The following TRPC7 variants were observed in gnomAD, a reference collection of about 807,000 sequenced individuals.
TRPC7 encodes short transient receptor potential channel 7.
A neutral mutation model predicts 90.1 loss-of-function variants in TRPC7; 42 were observed. The ratio of observed to expected loss-of-function variants is 0.47; its 90% confidence interval spans 0.36 to 0.60. The LOEUF is 0.60. TRPC7 is among the 20% of genes least tolerant of loss of function. TRPC7 has a pLI of 0.00. For missense variants in TRPC7, 955 were observed against 1,112.3 expected (o/e 0.86, Z 2.01); for synonymous variants, 451 against 436.3 (o/e 1.03, Z -0.42).
chr5:136,295,140 G>T (rs1298723582), intron 3 of TRPC7, among the ~76,000 whole-genome samples: 1 of 152,010 alleles, frequency 6.6e-6, no homozygotes, highest in Non-Finnish European at 1.5e-5. Flanking sequence ...GCCTGTTGTG[G>T]GGTGGGGGGA....
At chr5:136,356,545 C>G (rs1190822985) in intron 2 of TRPC7, 63 bp downstream of exon 2, 7 of 1,442,424 alleles carry the variant, frequency 4.9e-6, no homozygotes, top group East Asian at 2.4e-5. Context: ...CCATTTCACA[C>G]TGGACACACG....
At chr5:136,256,560 C>G (rs778574063) in intron 5 of TRPC7, among the ~76,000 whole-genome samples, 1 of 143,652 alleles carries the variant, frequency 7.0e-6, no homozygotes, top group Non-Finnish European at 1.5e-5. Context: ...CCCACTCTTG[C>G]ACCCCTGACT....
At chr5:136,220,280 G>C (rs11739596) in intron 10 of TRPC7, among the ~76,000 whole-genome samples, 68,156 of 152,020 alleles carry the variant, frequency 0.45, 15,306 homozygotes, top group East Asian at 0.54. Flanking sequence ...GGGCAGAATA[G>C]AGCCATATTT....
chr5:136,344,330 G>T (rs146178089), intron 2 of TRPC7, among the ~76,000 whole-genome samples: 5 of 152,132 alleles, frequency 3.3e-5, no homozygotes, highest in African/African-American at 1.2e-4. Context: ...AGTTTTTACC[G>T]TGGTACTTAT....
chr5:136,313,551 T>C (rs1758912034), intron 3 of TRPC7, among the ~76,000 whole-genome samples: 1 of 152,234 alleles, frequency 6.6e-6, no homozygotes, highest in Non-Finnish European at 1.5e-5. Flanking sequence ...TGGAAGCCCA[T>C]TGTAATATTA....
chr5:136,294,114 T>G (rs1425015089), intron 3 of TRPC7, among the ~76,000 whole-genome samples: 1 of 152,182 alleles, frequency 6.6e-6, no homozygotes, highest in African/African-American at 2.4e-5. Context: ...CTGGATCCCT[T>G]CCTTACACCT....
intron 7 of TRPC7, among the ~76,000 whole-genome samples, chr5:136,241,384 G>T (rs1467524732): frequency 6.6e-6 from 1 of 152,252 alleles, no homozygotes; most frequent in Non-Finnish European, 1.5e-5. Flanking sequence ...TCAGGATTGA[G>T]TCTGAAAGGC....
intron 2 of TRPC7, among the ~76,000 whole-genome samples, chr5:136,323,125 A>T (rs1297359491): frequency 6.6e-6 from 1 of 152,184 alleles, no homozygotes; most frequent in Non-Finnish European, 1.5e-5. Context: ...GTGGTAGTGG[A>T]TAAGTCTTAC....
rs1330082703 is a variant in TRPC7 at position 136,226,019 on chromosome 5, C to A, written c.2262+15G>T. On this transcript the variant is annotated intron_variant, in intron 9 of 11. Transcript: ENST00000513104. The stretch of plus-strand genomic sequence containing the variant: ...CTGCTGCCTTCTCCAGCCTCATAAA[C>A]CACATGCTACCTACCTTGAATTTGG... 6.4e-7 allele frequency: 1 copy of A among 1,571,350 alleles called. No individual in the cohort carries two copies. The highest frequency in any genetic ancestry group is 8.7e-7 in the Non-Finnish European group (1 of 1,155,922).
intron 7 of TRPC7, among the ~76,000 whole-genome samples, chr5:136,245,581 C>A (rs1756311484): frequency 6.6e-6 from 1 of 152,122 alleles, no homozygotes; most frequent in Non-Finnish European, 1.5e-5. Flanking sequence ...ACATTCTAGG[C>A]CACTCAGGGC....
At chr5:136,270,609 G>C (rs1482504446) in intron 4 of TRPC7, among the ~76,000 whole-genome samples, 1 of 152,208 alleles carries the variant, frequency 6.6e-6, no homozygotes, top group Non-Finnish European at 1.5e-5. Context: ...GGAGGTGAAA[G>C]AGATAAAACA....
intron 6 of TRPC7, among the ~76,000 whole-genome samples, chr5:136,250,613 T>C (rs1180646642): frequency 6.6e-6 from 1 of 152,240 alleles, no homozygotes; most frequent in African/African-American, 2.4e-5. Context: ...TTAAAATAAG[T>C]AAGCAGATAA....
At chr5:136,242,280 T>G (rs528245384) in intron 7 of TRPC7, among the ~76,000 whole-genome samples, 39 of 152,344 alleles carry the variant, frequency 2.6e-4, no homozygotes, top group African/African-American at 8.9e-4. Flanking sequence ...TGTGGTCATT[T>G]TCAGTTTCTA....
rs1737410485 is a variant in TRPC7 at position 136,356,827 on chromosome 5, G to T, written c.561C>A (p.Gly187=). Residue 187 remains glycine (G), a synonymous_variant, in exon 2 of 12, where the codon GGC becomes GGA. Coordinates refer to ENST00000513104, the MANE Select transcript of TRPC7 (RefSeq NM_020389.3). ...YEIVHILLLK[G]ARIERPHDYF... ...AGTCGTGGGGCCGCTCGATGCGGGC[G>T]CCCTTGAGCAGCAGGATGTGCACGA... 3 of 1,613,696 alleles carry T rather than the reference G, an allele frequency of 1.9e-6. No individual in the cohort carries two copies. The highest frequency in any genetic ancestry group is 2.5e-6 in the Non-Finnish European group (3 of 1,179,796).
intron 3 of TRPC7, among the ~76,000 whole-genome samples, chr5:136,312,019 C>T (rs753535036): frequency 2.6e-5 from 4 of 152,204 alleles, no homozygotes; most frequent in Admixed American, 6.5e-5. Context: ...TCCAACTTTC[C>T]TGATGAGGAA....
chr5:136,246,629 C>G (rs1026658871), intron 7 of TRPC7, among the ~76,000 whole-genome samples: 2 of 152,210 alleles, frequency 1.3e-5, no homozygotes, highest in African/African-American at 2.4e-5. Context: ...GCACTTTGTA[C>G]TTGCTTCCCC....
intron 2 of TRPC7, among the ~76,000 whole-genome samples, chr5:136,343,858 A>G (rs985813122): frequency 6.6e-6 from 1 of 152,202 alleles, no homozygotes; most frequent in African/African-American, 2.4e-5. Flanking sequence ...CATAAAGAAC[A>G]CTTGCAAAAA....
chr5:136,295,330 T>C (rs1242253033), intron 3 of TRPC7, among the ~76,000 whole-genome samples: 1 of 152,160 alleles, frequency 6.6e-6, no homozygotes, highest in Non-Finnish European at 1.5e-5. Context: ...GTTGCTTTTA[T>C]TAAAAATAAT....
chr5:136,232,980 T>A (rs763543333), intron 7 of TRPC7, among the ~76,000 whole-genome samples: 1 of 152,208 alleles, frequency 6.6e-6, no homozygotes, highest in Non-Finnish European at 1.5e-5. Flanking sequence ...TTTGACAAGA[T>A]GTACAAAAAT....
Sources: allele counts gnomAD v4.1 joint callset (sites outside exome capture counted in the v4.1 genomes callset), GRCh38; gene constraint gnomAD v4.1.1; transcripts MANE v1.5; gene names NCBI Gene and HGNC (gene_info 2026-07-23, HGNC 2026-07-21).